Variants in ANKRD36C observed in about 807,000 individuals in gnomAD.
The protein encoded by ANKRD36C is ankyrin repeat domain-containing protein 36C.
In ANKRD36C, 61 loss-of-function variants were observed where a neutral mutation model predicts 276.4. The ratio of observed to expected loss-of-function variants is 0.22; its 90% confidence interval spans 0.18 to 0.27. The LOEUF (loss-of-function observed/expected upper bound fraction) is 0.27, where lower values mean the gene tolerates loss of function less well. ANKRD36C is among the 10% of genes least tolerant of loss of function. The pLI, the probability that ANKRD36C is intolerant of heterozygous loss-of-function variation, is 1.00. For missense variants in ANKRD36C, 1,447 were observed against 2,032.3 expected (o/e 0.71, Z 5.54); for synonymous variants, 483 against 680.1 (o/e 0.71, Z 4.51).
chr2:95,880,677 C>A (rs1474433827), intron 56 of ANKRD36C, 54 bp from the exon 77 acceptor site: 24 of 1,517,174 alleles, frequency 1.6e-5, no homozygotes, highest in Non-Finnish European at 2.0e-5. Context: ...GTAAGGCCAA[C>A]CATACATTTG....
At chr2:95,885,703 C>T (rs1676184779) in intron 52 of ANKRD36C, among the ~76,000 whole-genome samples, 1 of 151,824 alleles carries the variant, frequency 6.6e-6, no homozygotes, top group Admixed American at 6.6e-5. Context: ...TGATCTGACG[C>T]CTATAATATC....
Position 95,914,094 on chromosome 2 carries a change from C to G in ANKRD36C, c.2551+14G>C, listed in dbSNP as rs776648240. On this transcript the variant is annotated intron_variant, in intron 40 of 66. Transcript: ENST00000456556. Reference sequence around the variant, plus strand: ...CTCGACTGATCATGACATTAAATCTCTTTTCAAAATTACCTCTCCTAGTTT... The same window carrying G: ...CTCGACTGATCATGACATTAAATCTGTTTTCAAAATTACCTCTCCTAGTTT... 3 of 1,554,008 alleles carry G rather than the reference C, an allele frequency of 1.9e-6. No individual in the cohort carries two copies. In the South Asian group the frequency reaches 3.5e-5, roughly 18 times the overall value.
chr2:95,930,561 G>A (rs1242165179), intron 24 of ANKRD36C, among the ~76,000 whole-genome samples: 1 of 151,360 alleles, frequency 6.6e-6, no homozygotes, highest in African/African-American at 2.4e-5. Flanking sequence ...GAAATAATGT[G>A]TAATCAGATT....
chr2:95,910,519 T>C, intron 42 of ANKRD36C, 21 bp downstream of exon 45: 2 of 1,606,212 alleles, frequency 1.2e-6, no homozygotes, highest in Non-Finnish European at 1.7e-6. Context: ...TCGTTCACAA[T>C]ATAAATGAGA....
chr2:95,925,225 A>G lies in ANKRD36C; in HGVS notation c.2041+127T>C, dbSNP rs1031383819. 10 of 1,453,580 alleles carry G rather than the reference A, an allele frequency of 6.9e-6. No individual in the cohort carries two copies. In the African/African-American group the frequency reaches 7.2e-5, roughly 10 times the overall value. The allele number at this position is 1,453,580 out of a possible 1,614,324, so 90.0% of individuals were successfully genotyped here. On this transcript the variant is annotated intron_variant, in intron 30 of 66. Coordinates refer to ENST00000456556, the Ensembl canonical transcript of ANKRD36C. ...AGCACCACCTGACAACTTACTAGAAATGCACAATCTCAGGCCTGCTTAATC... is the reference window on the plus strand; with the variant it reads ...AGCACCACCTGACAACTTACTAGAAGTGCACAATCTCAGGCCTGCTTAATC...
At chr2:95,955,688 CT>C (rs1251264401) in intron 13 of ANKRD36C, among the ~76,000 whole-genome samples, 3 of 152,240 alleles carry the variant, frequency 2.0e-5, no homozygotes, top group African/African-American at 7.2e-5. Context: ...TAAAAGAAGA[CT>C]GCGTTTTGAA....
At chr2:95,922,113 T>C (rs2104424285) in intron 32 of ANKRD36C, among the ~76,000 whole-genome samples, 1 of 151,716 alleles carries the variant, frequency 6.6e-6, no homozygotes, top group Non-Finnish European at 1.5e-5. Flanking sequence ...TGATCAAAAA[T>C]CAGAGGGGAA....
chr2:95,933,180 A>G (rs145556366), intron 24 of ANKRD36C, among the ~76,000 whole-genome samples: 4,593 of 151,574 alleles, frequency 0.03, no homozygotes, highest in Admixed American at 0.057. Flanking sequence ...TGTTTTCATT[A>G]CTATAGCCTT....
intron 6 of ANKRD36C, among the ~76,000 whole-genome samples, chr2:95,963,903 T>C (rs1678514044): frequency 8.0e-6 from 1 of 124,980 alleles, no homozygotes; most frequent in Non-Finnish European, 1.6e-5. Flanking sequence ...CACAAGAGAC[T>C]TCTTTTCTTA....
chr2:95,937,307 G>T (rs1677745625), intron 22 of ANKRD36C, among the ~76,000 whole-genome samples: 1 of 152,308 alleles, frequency 6.6e-6, no homozygotes, highest in Non-Finnish European at 1.5e-5. Context: ...TTGGGAAAAT[G>T]TCAGTCATTT....
downstream of ANKRD36C, among the ~76,000 whole-genome samples, chr2:95,850,661 A>G (rs1189520430): frequency 2.6e-5 from 4 of 152,248 alleles, no homozygotes; most frequent in Non-Finnish European, 4.4e-5. Flanking sequence ...ATTCCATGCT[A>G]AGGAATTTTC....
intron 48 of ANKRD36C, among the ~76,000 whole-genome samples, chr2:95,889,406 T>C (rs1391935627): frequency 6.6e-6 from 1 of 151,620 alleles, no homozygotes; most frequent in Admixed American, 6.6e-5. Flanking sequence ...AGTGTTTTTG[T>C]GGTATTAGGA....
intron 54 of ANKRD36C, among the ~76,000 whole-genome samples, chr2:95,883,801 C>T (rs985038597): frequency 2.0e-5 from 3 of 151,938 alleles, no homozygotes; most frequent in Non-Finnish European, 2.9e-5. Flanking sequence ...ATCACTTTTC[C>T]GTCTGTTTTT....
chr2:95,874,050 C>T (rs1005270724), intron 59 of ANKRD36C, among the ~76,000 whole-genome samples: 32 of 152,038 alleles, frequency 2.1e-4, no homozygotes, highest in Non-Finnish European at 4.1e-4. Flanking sequence ...AATGGAAAAA[C>T]ATTCCATGCT....
chr2:95,894,594 G>C (rs1676481473), intron 44 of ANKRD36C, among the ~76,000 whole-genome samples: 1 of 151,338 alleles, frequency 6.6e-6, no homozygotes. Flanking sequence ...GGAGTATCAT[G>C]TTATGTTCTA....
Position 95,933,994 on chromosome 2 carries a change from T to C in ANKRD36C, c.1735+1460A>G, listed in dbSNP as rs1242938814. Among the ~76,000 whole-genome samples the C allele has an allele frequency of 3.3e-5, 5 of 152,426 alleles. No homozygotes were observed. The East Asian group carries it at 9.6e-4, about 29-fold the overall frequency. ...GACATTTATTCAGCCAGTAAACATA[T>C]GAAAAAAAGGCTCATGATCACTGAT... On this transcript the variant is annotated intron_variant, in intron 24 of 66. Coordinates refer to ENST00000456556, the Ensembl canonical transcript of ANKRD36C.
At chr2:95,908,175 T>G (rs1198439950) in intron 42 of ANKRD36C, among the ~76,000 whole-genome samples, 1 of 149,106 alleles carries the variant, frequency 6.7e-6, no homozygotes, top group African/African-American at 2.4e-5. Flanking sequence ...ATTCTATACT[T>G]CCTCTCTTTC....
At chr2:95,875,238 TA>T (rs1471675950) in intron 59 of ANKRD36C, among the ~76,000 whole-genome samples, 1 of 152,176 alleles carries the variant, frequency 6.6e-6, no homozygotes, top group African/African-American at 2.4e-5. Flanking sequence ...CACGTATGTT[TA>T]TTGCGGCACT....
At position 95,916,190 on chromosome 2, in the gene ANKRD36C, A is replaced by G. The variant is rs1182428643; in HGVS notation, c.2348-19T>C. 1.9e-6 allele frequency: 3 copies of G among 1,603,656 alleles called. No homozygotes were observed. The highest frequency in any genetic ancestry group is 1.3e-5 in the African/African-American group (1 of 74,700). ...GAAGACACTGAAAAGCAAAAGGGAC[A>G]CGTAATCACTCACTCGTAAATATGA... is the stretch of plus-strand genomic sequence containing the variant. On this transcript the variant is annotated intron_variant, in intron 36 of 66. Coordinates refer to ENST00000456556, the Ensembl canonical transcript of ANKRD36C.
Sources: allele counts gnomAD v4.1 joint callset (sites outside exome capture counted in the v4.1 genomes callset), GRCh38; gene constraint gnomAD v4.1.1; transcripts MANE v1.5; gene names NCBI Gene and HGNC (gene_info 2026-07-23, HGNC 2026-07-21).